Variants in ROBO2 observed in about 807,000 individuals in gnomAD.
ROBO2 encodes roundabout homolog 2.
Under a neutral mutation model 160.8 loss-of-function variants are expected in ROBO2, and 53 were observed. The observed-to-expected ratio is 0.33, with a 90% CI of 0.26 to 0.41. The LOEUF is 0.41. Among genes scored for constraint, ROBO2 ranks in the 10% least tolerant of loss-of-function variants. The pLI, the probability that ROBO2 is intolerant of heterozygous loss-of-function variation, is 1.00. For missense variants in ROBO2, 1,577 were observed against 1,722.4 expected, an observed-to-expected ratio of 0.92 and a Z score of 1.49; for synonymous variants, 664 against 611.7, an observed-to-expected ratio of 1.09 and a Z score of -1.26.
intron 2 of ROBO2, among the ~76,000 whole-genome samples, chr3:76,034,542 A>T (rs2067036105): frequency 6.6e-6 from 1 of 152,246 alleles, no homozygotes; most frequent in South Asian, 2.1e-4. Context: ...AACAATGTGA[A>T]ATAATTAATA....
At chr3:76,715,966 CA>C (rs1222060751) in intron 2 of ROBO2, among the ~76,000 whole-genome samples, 2 of 151,968 alleles carry the variant, frequency 1.3e-5, no homozygotes, top group African/African-American at 4.8e-5. Flanking sequence ...GCTTTGGCTG[CA>C]AAAAAATTAT....
rs62885160 is a variant in ROBO2 at position 76,965,785 on chromosome 3, G to GTATATATATATATATATATA, written c.110-132223_110-132204dup. On this transcript the variant is annotated intron_variant, in intron 2 of 26. Transcript: ENST00000487694. The stretch of plus-strand genomic sequence containing the variant: ...CTATACCATTATTTATTGTGTTTGT[G>GTATATATATATATATATATA]TATATATATATATATATATATATAT... 2.8e-3 allele frequency among the ~76,000 whole-genome samples: 363 copies of GTATATATATATATATATATA among 129,080 alleles called. 1 individual carries two copies. Among genetic ancestry groups the GTATATATATATATATATATA allele is most frequent in the African/African-American group, 4.5e-3 (145 of 32,008 alleles). 84.7% of individuals were successfully genotyped at this position (129,080 alleles called of 152,430 possible).
At chr3:77,557,130 G>A (rs536968090) in intron 8 of ROBO2, among the ~76,000 whole-genome samples, 3 of 151,876 alleles carry the variant, frequency 2.0e-5, no homozygotes, top group East Asian at 1.9e-4. Context: ...TTGTACTACC[G>A]AAATGCTACT....
At chr3:76,846,847 T>C (rs1210461552) in intron 2 of ROBO2, among the ~76,000 whole-genome samples, 1 of 152,182 alleles carries the variant, frequency 6.6e-6, no homozygotes, top group Non-Finnish European at 1.5e-5. Flanking sequence ...GTCTGCTTTT[T>C]GACCAATACT....
chr3:76,114,801 A>C (rs1416134656), intron 2 of ROBO2, among the ~76,000 whole-genome samples: 2 of 152,172 alleles, frequency 1.3e-5, no homozygotes, highest in Non-Finnish European at 2.9e-5. Context: ...CAAGTTTTAC[A>C]AAACACTGAT....
intron 2 of ROBO2, among the ~76,000 whole-genome samples, chr3:77,121,313 T>C (rs2074742846): frequency 6.6e-6 from 1 of 152,212 alleles, no homozygotes; most frequent in African/African-American, 2.4e-5. Flanking sequence ...TTTCATATTC[T>C]GTCAGCATAA....
chr3:76,062,777 C>T (rs1441644980), intron 2 of ROBO2, among the ~76,000 whole-genome samples: 1 of 152,176 alleles, frequency 6.6e-6, no homozygotes, highest in East Asian at 1.9e-4. Context: ...CCTAGCAAAT[C>T]ATAGCTTTGC....
At chr3:76,825,255 T>C (rs1222369470) in intron 2 of ROBO2, among the ~76,000 whole-genome samples, 1 of 152,158 alleles carries the variant, frequency 6.6e-6, no homozygotes, top group Non-Finnish European at 1.5e-5. Context: ...AAGAATGGAT[T>C]TGAGCCTGAA....
chr3:76,780,257 T>C (rs1352493032), intron 2 of ROBO2, among the ~76,000 whole-genome samples: 1 of 150,686 alleles, frequency 6.6e-6, no homozygotes, highest in African/African-American at 2.4e-5. Flanking sequence ...ATTTTTTAAT[T>C]GAGTTTTGTT....
intron 23 of ROBO2, among the ~76,000 whole-genome samples, chr3:77,628,793 C>T (rs535193601): frequency 3.9e-5 from 6 of 152,184 alleles, no homozygotes; most frequent in African/African-American, 1.4e-4. Context: ...AAGGCAAACA[C>T]AACTACACTA....
chr3:76,000,027 A>G (rs1277629109), intron 2 of ROBO2, among the ~76,000 whole-genome samples: 2 of 152,218 alleles, frequency 1.3e-5, no homozygotes, highest in Admixed American at 6.5e-5. Context: ...GGCATTTTGT[A>G]TAATTCTTTA....
intron 2 of ROBO2, among the ~76,000 whole-genome samples, chr3:76,824,757 C>T (rs752315341): frequency 2.6e-5 from 4 of 152,080 alleles, no homozygotes; most frequent in African/African-American, 7.2e-5. Context: ...TTACTGCTTC[C>T]GAGGCTGAGA....
At chr3:77,621,385 C>G (rs2094896710) in intron 22 of ROBO2, among the ~76,000 whole-genome samples, 1 of 152,118 alleles carries the variant, frequency 6.6e-6, no homozygotes, top group Non-Finnish European at 1.5e-5. Flanking sequence ...ATGATCGCAT[C>G]ACTGCACTCC....
At chr3:75,928,100 C>A (rs1315859787) in intron 1 of ROBO2, among the ~76,000 whole-genome samples, 1 of 151,348 alleles carries the variant, frequency 6.6e-6, no homozygotes, top group East Asian at 2.0e-4. Flanking sequence ...TTCTCCTGCC[C>A]CAGCCTCCCG....
chr3:77,628,454 G>GC lies in ROBO2; in HGVS notation c.3760+6022_3760+6023insC, dbSNP rs200945662. Among the ~76,000 whole-genome samples the GC allele has an allele frequency of 4.2e-3, 621 of 146,542 alleles. 3 individuals are homozygous for GC. The highest frequency in any genetic ancestry group is 7.3e-3 in the Non-Finnish European group (486 of 66,692). On this transcript the variant is annotated intron_variant, in intron 23 of 25. Coordinates refer to ENST00000461745, the Ensembl canonical transcript of ROBO2. Reference sequence around the variant, plus strand: ...TCTCTCTCTCTCTTTTTGTGGGGGGGGGGTAATTGTTTACCTAAATCTTCA... The same window carrying GC: ...TCTCTCTCTCTCTTTTTGTGGGGGGGCGGGTAATTGTTTACCTAAATCTTCA...
chr3:75,974,828 A>C (rs2065092357), intron 2 of ROBO2, among the ~76,000 whole-genome samples: 3 of 151,564 alleles, frequency 2.0e-5, no homozygotes, highest in Non-Finnish European at 4.4e-5. Context: ...TTTTAGACTT[A>C]AGTCACATTA....
At chr3:77,138,911 G>GAAAA (rs1009472765) in intron 2 of ROBO2, among the ~76,000 whole-genome samples, 1 of 149,370 alleles carries the variant, frequency 6.7e-6, no homozygotes, top group Non-Finnish European at 1.5e-5. Context: ...GTGAGAAAAG[G>GAAAA]AAAAAAAAAA....
chr3:76,283,118 A>ATG (rs1257947754), intron 2 of ROBO2, among the ~76,000 whole-genome samples: 1 of 134,076 alleles, frequency 7.5e-6, no homozygotes, highest in Admixed American at 7.8e-5. Context: ...ATAGTTATAT[A>ATG]TGTATATATA....
intron 2 of ROBO2, among the ~76,000 whole-genome samples, chr3:77,161,014 G>T (rs923647671): frequency 6.6e-6 from 1 of 152,086 alleles, no homozygotes; most frequent in Non-Finnish European, 1.5e-5. Flanking sequence ...GTGGTTAACT[G>T]GTTCCACAGA....
Sources: allele counts gnomAD v4.1 joint callset (sites outside exome capture counted in the v4.1 genomes callset), GRCh38; gene constraint gnomAD v4.1.1; transcripts MANE v1.5; gene names NCBI Gene and HGNC (gene_info 2026-07-23, HGNC 2026-07-21).